Variants in GRM7 observed in about 807,000 individuals in gnomAD.
GRM7 encodes glutamate metabotropic receptor 7, also known as metabotropic glutamate receptor 7.
In GRM7, 35 loss-of-function variants were observed where a neutral mutation model predicts 84.5. That is an observed-to-expected ratio of 0.41 (90% CI 0.32 to 0.55). The LOEUF (loss-of-function observed/expected upper bound fraction) is 0.55, where lower values mean the gene tolerates loss of function less well. GRM7 is among the 20% of genes least tolerant of loss of function. GRM7 has a pLI of 0.19. For synonymous variants in GRM7, 487 were observed against 455.1 expected (o/e 1.07, Z -0.89); for missense variants, 1,003 against 1,194.6 (o/e 0.84, Z 2.36).
chr3:7,592,455 C>T (rs1009701091), intron 8 of GRM7, among the ~76,000 whole-genome samples: 1 of 152,124 alleles, frequency 6.6e-6, no homozygotes. Flanking sequence ...CATGTCAAGG[C>T]TATTTGGGAA....
chr3:6,986,278 T>G (rs568784818), intron 1 of GRM7, among the ~76,000 whole-genome samples: 8 of 152,310 alleles, frequency 5.3e-5, no homozygotes, highest in Middle Eastern at 3.4e-3. Context: ...ATAGACATGT[T>G]TACCACCTTT....
At chr3:7,547,451 C>T (rs1033591875) in intron 7 of GRM7, among the ~76,000 whole-genome samples, 1 of 152,032 alleles carries the variant, frequency 6.6e-6, no homozygotes, top group Non-Finnish European at 1.5e-5. Context: ...CGTGATCTGC[C>T]CGCCTCGGCC....
At chr3:7,586,236 A>T (rs1405180562) in intron 8 of GRM7, among the ~76,000 whole-genome samples, 1 of 152,212 alleles carries the variant, frequency 6.6e-6, no homozygotes, top group African/African-American at 2.4e-5. Flanking sequence ...TGGGAATATA[A>T]AACATGGTAC....
intron 2 of GRM7, among the ~76,000 whole-genome samples, chr3:7,226,460 G>A (rs563281322): frequency 6.6e-6 from 1 of 152,244 alleles, no homozygotes; most frequent in East Asian, 1.9e-4. Flanking sequence ...TCTTCCCACT[G>A]ATTTTTGCTT....
chr3:7,299,808 C>T (rs941262839), intron 3 of GRM7, among the ~76,000 whole-genome samples: 12 of 152,012 alleles, frequency 7.9e-5, no homozygotes, highest in African/African-American at 2.4e-4. Context: ...TCTAACTGCT[C>T]CCTTATTAAT....
chr3:7,266,131 C>A (rs73809047), intron 2 of GRM7, among the ~76,000 whole-genome samples: 2,777 of 152,042 alleles, frequency 0.018, 78 homozygotes, highest in African/African-American at 0.064. Flanking sequence ...TATTTCTCAC[C>A]ATGATGAAAT....
At chr3:7,609,693 T>A (rs958105811) in intron 8 of GRM7, among the ~76,000 whole-genome samples, 1 of 152,120 alleles carries the variant, frequency 6.6e-6, no homozygotes, top group Non-Finnish European at 1.5e-5. Flanking sequence ...GGACAGTGGA[T>A]GATGGATGAA....
chr3:7,690,697 C>G (rs1559489734), intron 9 of GRM7, among the ~76,000 whole-genome samples: 1 of 152,198 alleles, frequency 6.6e-6, no homozygotes. Flanking sequence ...TCAAAGTGCA[C>G]ATGAACTTGA....
chr3:7,142,135 A>T (rs748156084), intron 1 of GRM7, among the ~76,000 whole-genome samples: 4 of 152,112 alleles, frequency 2.6e-5, no homozygotes, highest in Admixed American at 6.6e-5. Context: ...GGTTAGGTCA[A>T]ATATTCATAC....
intron 8 of GRM7, among the ~76,000 whole-genome samples, chr3:7,580,450 T>C (rs1248010829): frequency 1.3e-5 from 2 of 152,186 alleles, no homozygotes; most frequent in Admixed American, 6.5e-5. Flanking sequence ...ATTTAGAATG[T>C]CTAAAAATTT....
chr3:7,672,081 C>G (rs943216070), intron 8 of GRM7, among the ~76,000 whole-genome samples: 1 of 151,874 alleles, frequency 6.6e-6, no homozygotes, highest in Non-Finnish European at 1.5e-5. Flanking sequence ...TCCCCTGCCC[C>G]GGGGGGAGGG....
chr3:7,067,802 T>C (rs976895839), intron 1 of GRM7, among the ~76,000 whole-genome samples: 14 of 151,940 alleles, frequency 9.2e-5, no homozygotes, highest in African/African-American at 3.4e-4. Flanking sequence ...GGAAAAAAAG[T>C]TGGAGAACAG....
At position 7,132,175 on chromosome 3, in the gene GRM7, G is replaced by GC. The variant is rs773292617; in HGVS notation, c.520-14270dup. Reference sequence around the variant, plus strand: ...CTTTTAGTGTTTTATGTAGACTGGTGCCCCCCCAACAATATGGTTACTGAG... The same window carrying GC: ...CTTTTAGTGTTTTATGTAGACTGGTGCCCCCCCCAACAATATGGTTACTGAG... On this transcript the variant is annotated intron_variant, in intron 1 of 9. Coordinates refer to ENST00000357716, the MANE Select transcript of GRM7 (RefSeq NM_000844.4). Among the ~76,000 whole-genome samples, 17 of 152,048 alleles carry GC rather than the reference G, an allele frequency of 1.1e-4. No homozygotes were observed. In the East Asian group the frequency reaches 2.1e-3, roughly 19 times the overall value.
chr3:7,563,760 G>T (rs951399227), intron 7 of GRM7, among the ~76,000 whole-genome samples: 1 of 152,142 alleles, frequency 6.6e-6, no homozygotes, highest in Admixed American at 6.5e-5. Flanking sequence ...ACTGTCTCAC[G>T]TGGGCAATGG....
At chr3:7,379,772 A>T (rs1694511046) in intron 4 of GRM7, among the ~76,000 whole-genome samples, 1 of 152,178 alleles carries the variant, frequency 6.6e-6, no homozygotes, top group Non-Finnish European at 1.5e-5. Context: ...GTTTGTAGGA[A>T]TATGATGTTG....
In GRM7 at chr3:7,728,552, A is replaced by G. The variant is rs180986004; in HGVS notation, c.2699-11805A>G. Reference sequence around the variant, plus strand: ...ATTTGGGTATGGAAAGTTACTTCAAACCCCCCAGAAATTTACTCAACCCAA... The same window carrying G: ...ATTTGGGTATGGAAAGTTACTTCAAGCCCCCCAGAAATTTACTCAACCCAA... On this transcript the variant is annotated intron_variant, in intron 9 of 9. Coordinates refer to ENST00000357716, the MANE Select transcript of GRM7 (RefSeq NM_000844.4). Among the ~76,000 whole-genome samples, 432 of 151,166 alleles carry G rather than the reference A, an allele frequency of 2.9e-3. 7 individuals are homozygous for G. Among genetic ancestry groups the G allele is most frequent in the Middle Eastern group, 0.02 (6 of 294 alleles).
At chr3:7,154,705 T>C (rs1368503038) in intron 2 of GRM7, among the ~76,000 whole-genome samples, 1 of 152,104 alleles carries the variant, frequency 6.6e-6, no homozygotes, top group Non-Finnish European at 1.5e-5. Context: ...ATTTCTTGGT[T>C]AATTGGCTGA....
intron 1 of GRM7, among the ~76,000 whole-genome samples, chr3:6,942,118 TA>T (rs1420753055): frequency 2.6e-5 from 4 of 151,786 alleles, no homozygotes; most frequent in African/African-American, 9.7e-5. Flanking sequence ...GAAGTCACTA[TA>T]CCTTATTGAA....
intron 5 of GRM7, among the ~76,000 whole-genome samples, chr3:7,442,840 A>G (rs1697348225): frequency 6.6e-6 from 1 of 152,116 alleles, no homozygotes; most frequent in Admixed American, 6.6e-5. Context: ...AGAACTGTGA[A>G]AGCTGACAAC....
Sources: allele counts gnomAD v4.1 joint callset (sites outside exome capture counted in the v4.1 genomes callset), GRCh38; gene constraint gnomAD v4.1.1; transcripts MANE v1.5; gene names NCBI Gene and HGNC (gene_info 2026-07-23, HGNC 2026-07-21).